Variants in RAB33B observed in about 807,000 individuals in gnomAD.
The protein encoded by RAB33B is RAB33B, member RAS oncogene family, also known as ras-related protein Rab-33B.
Under a neutral mutation model 15.0 loss-of-function variants are expected in RAB33B, and 6 were observed. The observed-to-expected ratio is 0.40, with a 90% CI of 0.22 to 0.79. The LOEUF (loss-of-function observed/expected upper bound fraction) is 0.79. Ranked by LOEUF, RAB33B falls within the 30% of genes least tolerant of loss-of-function variation. The pLI, the probability that RAB33B is intolerant of heterozygous loss-of-function variation, is 0.37. For missense variants in RAB33B, 257 were observed against 296.4 expected, an observed-to-expected ratio of 0.87 and a Z score of 0.98; for synonymous variants, 117 against 108.3, an observed-to-expected ratio of 1.08 and a Z score of -0.50.
At chr4:139,458,928 G>A (rs1042154213) in intron 1 of RAB33B, among the ~76,000 whole-genome samples, 1 of 152,084 alleles carries the variant, frequency 6.6e-6, no homozygotes, top group African/African-American at 2.4e-5. Context: ...GTTATTTTTT[G>A]ACTTTTTAAT....
chr4:139,464,063 A>G (rs1750224829), intron 1 of RAB33B, among the ~76,000 whole-genome samples: 1 of 152,180 alleles, frequency 6.6e-6, no homozygotes. Flanking sequence ...ACTTGACCCC[A>G]GGAGTTTGGG....
At chr4:139,446,844 A>G in the RAB33B span, among the ~76,000 whole-genome samples, 4 of 152,198 alleles carry the variant, frequency 2.6e-5, no homozygotes, top group Non-Finnish European at 5.9e-5. Flanking sequence ...AGAGTGCCCA[A>G]TTTGCCAGCA....
chr4:139,452,222 G>A (rs1198585993), upstream of RAB33B: 1 of 152,242 alleles, frequency 6.6e-6, no homozygotes, highest in African/African-American at 2.4e-5. Context: ...CCAGTCAGTA[G>A]TCAAGAGTTG....
intron 1 of RAB33B, among the ~76,000 whole-genome samples, chr4:139,464,770 T>G (rs1750248768): frequency 6.6e-6 from 1 of 152,238 alleles, no homozygotes; most frequent in South Asian, 2.1e-4. Flanking sequence ...TGCCACATTT[T>G]CTTAATACAG....
chr4:139,473,437 C>G lies in RAB33B; in HGVS notation c.*311C>G. ...ATCAGTAACCATTCAATCTTTTGTC[C>G]TAGGATTGGAAAAAAATGTTAAAGG... On this transcript the variant is annotated 3_prime_UTR_variant, in exon 2 of 2. Coordinates refer to ENST00000305626, the MANE Select transcript of RAB33B (RefSeq NM_031296.3). The G allele has an allele frequency of 9.4e-6, 3 of 317,620 alleles. No individual in the cohort carries two copies. In the South Asian group the frequency reaches 1.9e-4, roughly 20 times the overall value. 19.7% of individuals were successfully genotyped at this position (317,620 alleles called of 1,614,324 possible). A position where few individuals can be genotyped will look rare whatever the true frequency, so the allele number is the denominator to read the frequency against.
chr4:139,459,130 C>CAA lies in RAB33B; in HGVS notation c.249+4703_249+4704dup, dbSNP rs70943419. On this transcript the variant is annotated intron_variant, in intron 1 of 1. Transcript: ENST00000305626. Reference sequence around the variant, plus strand: ...TTTCTATTAAGAACAAATCCCATCTCAAAAAAAAAAAAAAAAAACCTTCCA... The same window carrying CAA: ...TTTCTATTAAGAACAAATCCCATCTCAAAAAAAAAAAAAAAAAAAACCTTCCA... 9.3e-4 allele frequency among the ~76,000 whole-genome samples: 112 copies of CAA among 120,154 alleles called. 1 individual carries two copies. The highest frequency in any genetic ancestry group is 1.4e-3 in the South Asian group (5 of 3,668). The allele number at this position is 120,154 out of a possible 152,430, so 78.8% of individuals were successfully genotyped here.
At chr4:139,453,631 G>C (rs1749987884), upstream of RAB33B, 1 of 152,286 alleles carries the variant, frequency 6.6e-6, no homozygotes, top group South Asian at 2.1e-4. Flanking sequence ...GCGACCAAAC[G>C]ATACGTCGAT....
chr4:139,448,940 C>T (rs1560999719), upstream of RAB33B: 1 of 152,192 alleles, frequency 6.6e-6, no homozygotes, highest in Admixed American at 6.6e-5. Flanking sequence ...GTGAGTGTGA[C>T]TGTGTGTGTG....
chr4:139,462,992 C>A (rs1442339550), intron 1 of RAB33B, among the ~76,000 whole-genome samples: 1 of 152,040 alleles, frequency 6.6e-6, no homozygotes, highest in African/African-American at 2.4e-5. Context: ...ATGGAGAAAT[C>A]CCATCTCTAC....
intron 1 of RAB33B, among the ~76,000 whole-genome samples, chr4:139,459,882 C>T (rs569272500): frequency 1.4e-4 from 22 of 152,300 alleles, no homozygotes; most frequent in Admixed American, 2.6e-4. Flanking sequence ...TCTGCCGCCT[C>T]GGCCTCCCAA....
chr4:139,472,264 A>G (rs1750406960), intron 1 of RAB33B, among the ~76,000 whole-genome samples: 1 of 152,246 alleles, frequency 6.6e-6, no homozygotes, highest in Non-Finnish European at 1.5e-5. Context: ...GCTGGATCTC[A>G]TAACAACATC....
the RAB33B span, among the ~76,000 whole-genome samples, chr4:139,440,269 T>C: frequency 6.6e-6 from 1 of 152,142 alleles, no homozygotes; most frequent in Non-Finnish European, 1.5e-5. Flanking sequence ...TATGCAATTG[T>C]GTTTATGTCT....
At chr4:139,471,304 C>CT (rs1168874877) in intron 1 of RAB33B, among the ~76,000 whole-genome samples, 5 of 152,146 alleles carry the variant, frequency 3.3e-5, no homozygotes, top group Non-Finnish European at 7.4e-5. Context: ...CCTTTTTGCT[C>CT]TAACAGGGCA....
Position 139,456,247 on chromosome 4 carries a change from A to C in RAB33B, c.249+1803A>C, listed in dbSNP as rs899459670. 4.0e-5 allele frequency among the ~76,000 whole-genome samples: 6 copies of C among 151,196 alleles called. No homozygotes were observed. The East Asian group carries it at 1.2e-3, about 30-fold the overall frequency. ...TGAAAGCAGAGATAGTGGAGGGCAT[A>C]GGTAGACAGCTAAGGGGAGAGAAAT... is the stretch of plus-strand genomic sequence containing the variant. On this transcript the variant is annotated intron_variant, in intron 1 of 1. Coordinates refer to ENST00000305626, the MANE Select transcript of RAB33B (RefSeq NM_031296.3).
chr4:139,465,493 C>G (rs1410290969), intron 1 of RAB33B, among the ~76,000 whole-genome samples: 1 of 152,056 alleles, frequency 6.6e-6, no homozygotes, highest in Non-Finnish European at 1.5e-5. Context: ...GTATTGCCTA[C>G]GTTTTCTTCT....
At chr4:139,463,852 G>C (rs1750220039) in intron 1 of RAB33B, among the ~76,000 whole-genome samples, 1 of 152,186 alleles carries the variant, frequency 6.6e-6, no homozygotes, top group South Asian at 2.1e-4. Context: ...GAAGGCAGCA[G>C]GCAGCAGTAG....
rs1420174962 is a variant in RAB33B, at chr4:139,454,447, G to A, written c.249+3G>A. The A allele has an allele frequency of 6.2e-7, 1 of 1,606,272 alleles. No individual in the cohort carries two copies. Among genetic ancestry groups the A allele is most frequent in the African/African-American group, 1.3e-5 (1 of 75,022 alleles). On this transcript the variant is annotated splice_donor_region_variant and intron_variant, in intron 1 of 1. Transcript: ENST00000305626. The stretch of plus-strand genomic sequence containing the variant: ...AGATTGATGGGGAGCGCATCAAGGT[G>A]AGCGGATGGGGAACTGTTGGGGAGG...
chr4:139,461,649 G>T (rs1185322839), intron 1 of RAB33B, among the ~76,000 whole-genome samples: 1 of 152,070 alleles, frequency 6.6e-6, no homozygotes, highest in Non-Finnish European at 1.5e-5. Flanking sequence ...AGGGAAAGAG[G>T]ATGGATAACT....
upstream of RAB33B, chr4:139,452,564 T>C (rs1749951312): frequency 6.6e-6 from 1 of 152,246 alleles, no homozygotes. Context: ...AGTTTCTGGA[T>C]GATTAACCTT....
Sources: allele counts gnomAD v4.1 joint callset (sites outside exome capture counted in the v4.1 genomes callset), GRCh38; gene constraint gnomAD v4.1.1; transcripts MANE v1.5; gene names NCBI Gene and HGNC (gene_info 2026-07-23, HGNC 2026-07-21).